OOSP1: variants seen among roughly 807,000 people sequenced by gnomAD.
OOSP1 encodes putative oocyte-secreted protein 1 homolog.
Under a neutral mutation model 5.7 loss-of-function variants are expected in OOSP1, and 11 were observed. That is an observed-to-expected ratio of 1.94 (90% CI 1.22 to 3.20). The LOEUF (loss-of-function observed/expected upper bound fraction) is 3.20, where lower values mean the gene tolerates loss of function less well. Ranked by LOEUF, OOSP1 falls within the 30% of genes most tolerant of loss-of-function variation. The pLI, the probability that OOSP1 is intolerant of heterozygous loss-of-function variation, is 0.00. For synonymous variants in OOSP1, 44 were observed against 20.0 expected (o/e 2.20, Z -3.20); for missense variants, 83 against 54.1 (o/e 1.53, Z -1.67).
chr11:59,956,507 T>A (rs910299893), intron 4 of OOSP1, among the ~76,000 whole-genome samples: 3 of 152,182 alleles, frequency 2.0e-5, no homozygotes, highest in Non-Finnish European at 4.4e-5. Context: ...TTTCTGTAAG[T>A]AGATTCATTT....
rs1212055790 is a variant in OOSP1 at position 59,952,744 on chromosome 11, CATCT to C, written c.487-4445_487-4442del. 2.6e-5 allele frequency among the ~76,000 whole-genome samples: 4 copies of C among 152,214 alleles called. No individual in the cohort carries two copies. The East Asian group carries it at 5.8e-4, about 22-fold the overall frequency. On this transcript the variant is annotated intron_variant, in intron 4 of 4. Coordinates refer to ENST00000646685, the Ensembl canonical transcript of OOSP1. Reference sequence around the variant, plus strand: ...TCTCAGAATTCACCACTATCTAATTCATCTATCTAACAAAAAAATCACTTGTACC... The same window carrying C: ...TCTCAGAATTCACCACTATCTAATTCATCTAACAAAAAAATCACTTGTACC...
chr11:59,945,104 A>ATG, intron 2 of OOSP1, 65 bp from the exon 3 acceptor site: 4 of 693,514 alleles, frequency 5.8e-6, no homozygotes, highest in Non-Finnish European at 7.9e-6. Flanking sequence ...TCCTATTTAA[A>ATG]TGCCTGTAAG....
intron 1 of OOSP1, 50 bp from the exon 2 acceptor site, chr11:59,942,797 C>A (rs1311174210): frequency 1.5e-6 from 1 of 659,102 alleles, no homozygotes; most frequent in East Asian, 2.7e-5. Flanking sequence ...TTTTTTTGAG[C>A]TGATCTATGT....
chr11:59,942,116 A>C (rs536031306), intron 1 of OOSP1, among the ~76,000 whole-genome samples: 1 of 152,096 alleles, frequency 6.6e-6, no homozygotes, highest in African/African-American at 2.4e-5. Flanking sequence ...CAACTGATAA[A>C]ATTTTCCTTT....
exon 5 of OOSP1, chr11:59,957,296 T>C: frequency 2.5e-6 from 1 of 397,822 alleles, no homozygotes; most frequent in Non-Finnish European, 4.4e-6. Context: ...TTGAGCGAGA[T>C]GATAGATCTT....
At chr11:59,949,357 C>A (rs543666163) in intron 4 of OOSP1, among the ~76,000 whole-genome samples, 173 of 151,822 alleles carry the variant, frequency 1.1e-3, no homozygotes, top group Non-Finnish European at 1.9e-3. Context: ...GGGTTGTGGT[C>A]CTTAATATGG....
chr11:59,945,383 C>T (rs182333491), intron 3 of OOSP1, 117 bp downstream of exon 3: 4 of 697,496 alleles, frequency 5.7e-6, no homozygotes, highest in Non-Finnish European at 1.0e-5. Context: ...GGGGAGACAC[C>T]AAACCCTAAT....
chr11:59,952,798 T>C (rs1189967254), intron 4 of OOSP1, among the ~76,000 whole-genome samples: 3 of 152,090 alleles, frequency 2.0e-5, no homozygotes, highest in Non-Finnish European at 4.4e-5. Context: ...AACCAAAAAA[T>C]TCCTGTTTCT....
chr11:59,947,597 G>A (rs181690701), intron 3 of OOSP1, 136 bp from the exon 4 acceptor site: 27 of 392,170 alleles, frequency 6.9e-5, no homozygotes, highest in South Asian at 4.3e-4. Flanking sequence ...GGGTGTGTTG[G>A]GGAGTGGTGG....
chr11:59,949,939 C>A (rs1334492423), intron 4 of OOSP1, among the ~76,000 whole-genome samples: 1 of 152,120 alleles, frequency 6.6e-6, no homozygotes, highest in Non-Finnish European at 1.5e-5. Flanking sequence ...TGTTAGTGTC[C>A]TACTGGCATC....
At chr11:59,951,109 A>G (rs1853935515) in intron 4 of OOSP1, among the ~76,000 whole-genome samples, 1 of 152,110 alleles carries the variant, frequency 6.6e-6, no homozygotes, top group Non-Finnish European at 1.5e-5. Flanking sequence ...ACTAGTGTAC[A>G]GGTGGAGGGA....
At chr11:59,941,543 C>T (rs553334391) in intron 1 of OOSP1, among the ~76,000 whole-genome samples, 10 of 152,072 alleles carry the variant, frequency 6.6e-5, no homozygotes, top group Admixed American at 3.3e-4. Context: ...CCATGCCTGG[C>T]TAATTTTTGT....
intron 4 of OOSP1, among the ~76,000 whole-genome samples, chr11:59,952,258 A>G (rs1853947338): frequency 6.6e-6 from 1 of 152,188 alleles, no homozygotes; most frequent in East Asian, 1.9e-4. Flanking sequence ...AGCTAAAAGT[A>G]AATCTATTTG....
intron 1 of OOSP1, among the ~76,000 whole-genome samples, chr11:59,941,564 G>T (rs1853825362): frequency 6.6e-6 from 1 of 151,902 alleles, no homozygotes; most frequent in Non-Finnish European, 1.5e-5. Context: ...ATTTTTTGTA[G>T]AGATGGGGTT....
chr11:59,955,109 G>C (rs1176025555), intron 4 of OOSP1, among the ~76,000 whole-genome samples: 2 of 151,712 alleles, frequency 1.3e-5, no homozygotes, highest in Non-Finnish European at 2.9e-5. Context: ...TGGGAAGAAA[G>C]CACAAAAAAA....
intron 4 of OOSP1, among the ~76,000 whole-genome samples, chr11:59,954,803 C>G (rs992485610): frequency 6.6e-6 from 1 of 152,052 alleles, no homozygotes; most frequent in Non-Finnish European, 1.5e-5. Context: ...ATGTATGATC[C>G]TCATATAGAA....
At chr11:59,948,864 C>G (rs889585557) in intron 4 of OOSP1, 2 of 397,296 alleles carry the variant, frequency 5.0e-6, no homozygotes, top group Non-Finnish European at 8.9e-6. Flanking sequence ...ATCTGAGAAG[C>G]AGGAAGGGGA....
At chr11:59,956,046 T>A (rs185211551) in intron 4 of OOSP1, among the ~76,000 whole-genome samples, 20 of 152,280 alleles carry the variant, frequency 1.3e-4, no homozygotes, top group Non-Finnish European at 1.5e-5. Flanking sequence ...TGACATGTGA[T>A]TAATGGACTA....
intron 1 of OOSP1, among the ~76,000 whole-genome samples, chr11:59,940,864 A>C (rs907894814): frequency 2.0e-5 from 3 of 152,220 alleles, no homozygotes; most frequent in African/African-American, 4.8e-5. Flanking sequence ...TTGTAGATTC[A>C]CATGCAGTGT....
Sources: allele counts gnomAD v4.1 joint callset (sites outside exome capture counted in the v4.1 genomes callset), GRCh38; gene constraint gnomAD v4.1.1; transcripts MANE v1.5; gene names NCBI Gene and HGNC (gene_info 2026-07-23, HGNC 2026-07-21).